COL22A1: variants seen among roughly 807,000 people sequenced by gnomAD.
COL22A1 encodes collagen alpha-1(XXII) chain.
In COL22A1, 221 loss-of-function variants were observed where a neutral mutation model predicts 248.9. The observed-to-expected ratio is 0.89, with a 90% CI of 0.80 to 0.99. COL22A1 has a LOEUF of 0.99. COL22A1 is among the 50% of genes least tolerant of loss of function. The pLI is 0.00. For missense variants in COL22A1, 2,240 were observed against 2,179.0 expected, an observed-to-expected ratio of 1.03 and a Z score of -0.56; for synonymous variants, 891 against 793.4, an observed-to-expected ratio of 1.12 and a Z score of -2.07.
chr8:138,693,612 T>C, intron 35 of COL22A1, 34 bp downstream of exon 35: 1 of 1,559,630 alleles, frequency 6.4e-7, no homozygotes, highest in East Asian at 2.4e-5. Context: ...CCTCCGGGGC[T>C]CCCCCACGAG....
At chr8:138,876,278 A>T (rs763157399) in intron 3 of COL22A1, among the ~76,000 whole-genome samples, 1 of 152,114 alleles carries the variant, frequency 6.6e-6, no homozygotes, top group Non-Finnish European at 1.5e-5. Flanking sequence ...CCATCCTCTA[A>T]ACAACCTAAG....
At chr8:138,617,287 T>G (rs1819415791) in intron 53 of COL22A1, among the ~76,000 whole-genome samples, 1 of 152,140 alleles carries the variant, frequency 6.6e-6, no homozygotes, top group Non-Finnish European at 1.5e-5. Context: ...TTACAGCATA[T>G]AGCTTGGCCC....
chr8:138,798,474 A>G (rs1816738949), intron 11 of COL22A1, among the ~76,000 whole-genome samples: 1 of 152,014 alleles, frequency 6.6e-6, no homozygotes, highest in South Asian at 2.1e-4. Context: ...AGTTTCTTAT[A>G]TGCATAATAA....
rs534944570 is a variant in COL22A1 at position 138,680,991 on chromosome 8, C to CG, written c.3013-1316dup. Among the ~76,000 whole-genome samples, 860 of 152,006 alleles carry CG rather than the reference C, an allele frequency of 5.7e-3. 7 individuals are homozygous for CG. Among genetic ancestry groups the CG allele is most frequent in the East Asian group, 0.013 (65 of 5,164 alleles). On this transcript the variant is annotated intron_variant, in intron 39 of 64. Coordinates refer to ENST00000303045, the MANE Select transcript of COL22A1 (RefSeq NM_152888.3). ...TCAGGGATGTCTGCACTCTTCCCCC[C>CG]GGGGGGGGTCTCAGCCTGCCTCTGC... is the stretch of plus-strand genomic sequence containing the variant.
rs759392780 is a variant in COL22A1, at chr8:138,796,800, AT to A, written c.1596+18del. ...TGTCCCATTCCCTTGGAGGAGTGTG[AT>A]AAAAGGAAGATGCTTACCTTTTCAC... On this transcript the variant is annotated intron_variant, in intron 12 of 64. Coordinates refer to ENST00000303045, the MANE Select transcript of COL22A1 (RefSeq NM_152888.3). 1.3e-6 allele frequency: 2 copies of A among 1,558,806 alleles called. No individual in the cohort carries two copies. The highest frequency in any genetic ancestry group is 2.2e-5 in the South Asian group (2 of 89,880).
chr8:138,676,308 A>T (rs1564179470), intron 41 of COL22A1, among the ~76,000 whole-genome samples: 1 of 150,176 alleles, frequency 6.7e-6, no homozygotes, highest in Non-Finnish European at 1.5e-5. Context: ...AGGCAGGAGA[A>T]TCACTTGAAC....
intron 18 of COL22A1, among the ~76,000 whole-genome samples, chr8:138,756,560 G>T (rs956599441): frequency 1.3e-5 from 2 of 152,108 alleles, no homozygotes; most frequent in Non-Finnish European, 2.9e-5. Flanking sequence ...CACACATGAC[G>T]TAGGGACATA....
intron 12 of COL22A1, among the ~76,000 whole-genome samples, chr8:138,785,642 T>C (rs1422100914): frequency 6.6e-6 from 1 of 152,112 alleles, no homozygotes; most frequent in Non-Finnish European, 1.5e-5. Context: ...CTTGATGGGA[T>C]GGGCTCCTTT....
At chr8:138,690,910 A>G (rs745664129) in intron 35 of COL22A1, 36 bp from the exon 36 acceptor site, 50 of 1,572,374 alleles carry the variant, frequency 3.2e-5, no homozygotes, top group Middle Eastern at 1.7e-4. Flanking sequence ...GGCCAAACGC[A>G]TTGATTAGAA....
chr8:138,642,342 T>C (rs1333777509), intron 47 of COL22A1, among the ~76,000 whole-genome samples: 7 of 152,200 alleles, frequency 4.6e-5, no homozygotes, highest in Admixed American at 1.3e-4. Context: ...CCTAGCATCA[T>C]GCTGACAATT....
chr8:138,621,460 T>G (rs182831841), intron 52 of COL22A1, among the ~76,000 whole-genome samples: 156 of 152,276 alleles, frequency 1.0e-3, no homozygotes, highest in African/African-American at 3.7e-3. Context: ...ACCTCCTAAA[T>G]ACTCTACCTG....
chr8:138,764,403 G>A (rs1008092223), intron 16 of COL22A1, among the ~76,000 whole-genome samples: 1 of 152,218 alleles, frequency 6.6e-6, no homozygotes, highest in Admixed American at 6.5e-5. Flanking sequence ...AGGGAATGGG[G>A]CAGGGGCTGC....
chr8:138,806,163 T>A (rs1817695053), intron 10 of COL22A1, among the ~76,000 whole-genome samples: 1 of 61,474 alleles, frequency 1.6e-5, no homozygotes, highest in Non-Finnish European at 4.0e-5. Flanking sequence ...GGTGTGTGTG[T>A]GTGATGGTGT....
At chr8:138,762,902 T>A (rs6981648) in intron 16 of COL22A1, among the ~76,000 whole-genome samples, 15 of 152,088 alleles carry the variant, frequency 9.9e-5, no homozygotes, top group Admixed American at 6.5e-4. Context: ...CAACATAGAC[T>A]TCAGAGTGAA....
At chr8:138,844,038 A>T in intron 4 of COL22A1, 46 bp downstream of exon 4, 6 of 1,555,720 alleles carry the variant, frequency 3.9e-6, no homozygotes, top group Non-Finnish European at 5.3e-6. Context: ...AGGCTCAGCA[A>T]ATCATACACC....
chr8:138,750,748 C>A (rs548521028), intron 22 of COL22A1, among the ~76,000 whole-genome samples: 1 of 152,202 alleles, frequency 6.6e-6, no homozygotes, highest in Non-Finnish European at 1.5e-5. Flanking sequence ...AAAGGCGATA[C>A]AAGCTTAACG....
chr8:138,703,313 G>A lies in COL22A1; in HGVS notation c.2552C>T (p.Pro851Leu). Residue 851 changes from proline (P) to leucine (L), a missense_variant, in exon 31 of 65, where the codon CCT becomes CTT. By Grantham distance (98) the Pro-to-Leu change is moderately conservative. Coordinates refer to ENST00000303045, the MANE Select transcript of COL22A1 (RefSeq NM_152888.3). The stretch of plus-strand genomic sequence containing the variant: ...AGAAGCGGAGTAACTTACAGTTCCA[G>A]GTAACCCGGGAGGGCCTGCAGGACC... ...EAGPAGPPGLPGTTSLFTPHP... is the reference protein window; with the variant it reads ...EAGPAGPPGLLGTTSLFTPHP... The A allele has an allele frequency of 1.9e-6, 3 of 1,613,610 alleles. No individual in the cohort carries two copies. The highest frequency in any genetic ancestry group is 2.5e-6 in the Non-Finnish European group (3 of 1,179,552).
chr8:138,656,456 T>C (rs1823272417), intron 44 of COL22A1, among the ~76,000 whole-genome samples: 1 of 152,214 alleles, frequency 6.6e-6, no homozygotes, highest in Non-Finnish European at 1.5e-5. Flanking sequence ...AAGTCTTTAA[T>C]TCCAGAAAGG....
intron 62 of COL22A1, 85 bp from the exon 63 acceptor site, chr8:138,594,284 C>G (rs887080965): frequency 1.6e-6 from 2 of 1,228,574 alleles, no homozygotes; most frequent in Admixed American, 3.0e-5. Flanking sequence ...AACTCAGAAC[C>G]AGGGGGCCGA....
Sources: gnomAD v4.1 joint callset for allele counts (sites outside exome capture counted in the v4.1 genomes callset) on GRCh38, gnomAD v4.1.1 for gene constraint, MANE v1.5 for transcripts, NCBI Gene and HGNC (gene_info 2026-07-23, HGNC 2026-07-21) for gene names.